SUGCT: variants seen among roughly 807,000 people sequenced by gnomAD.
SUGCT encodes succinyl-CoA:glutarate CoA-transferase.
A neutral mutation model predicts 55.0 loss-of-function variants in SUGCT; 41 were observed. The ratio of observed to expected loss-of-function variants is 0.74; its 90% CI spans 0.58 to 0.97. The LOEUF (loss-of-function observed/expected upper bound fraction) is 0.97, where lower values mean the gene tolerates loss of function less well. Ranked by LOEUF, SUGCT falls within the 50% of genes least tolerant of loss-of-function variation. SUGCT has a pLI of 0.00. For missense variants in SUGCT, 568 were observed against 547.8 expected (o/e 1.04, Z -0.37); for synonymous variants, 187 against 200.4 (o/e 0.93, Z 0.56).
chr7:40,249,346 T>TATATATATATATATATATATATATAA, intron 7 of SUGCT, among the ~76,000 whole-genome samples: 1 of 129,830 alleles, frequency 7.7e-6, no homozygotes, highest in South Asian at 2.3e-4. Flanking sequence ...TATATATATA[T>TATATATATATATATATATATATATAA]AATTATATTA....
At chr7:40,207,359 G>A (rs972913355) in intron 6 of SUGCT, among the ~76,000 whole-genome samples, 18 of 152,036 alleles carry the variant, frequency 1.2e-4, no homozygotes, top group Non-Finnish European at 1.8e-4. Context: ...AAACCACAAC[G>A]AGATACCTAC....
chr7:40,766,044 A>G (rs1788770699), intron 13 of SUGCT, among the ~76,000 whole-genome samples: 1 of 152,200 alleles, frequency 6.6e-6, no homozygotes, highest in Non-Finnish European at 1.5e-5. Context: ...GTGCTCTCCT[A>G]TTTAAAGACA....
intron 5 of SUGCT, among the ~76,000 whole-genome samples, chr7:40,194,588 T>A (rs1786133077): frequency 2.0e-5 from 3 of 152,218 alleles, no homozygotes; most frequent in African/African-American, 2.4e-5. Flanking sequence ...TTGTAAAGGT[T>A]TAAAAAATGT....
chr7:40,943,332 AG>A, the SUGCT span, among the ~76,000 whole-genome samples: 5 of 150,790 alleles, frequency 3.3e-5, no homozygotes, highest in African/African-American at 4.9e-5. Context: ...CACAATGTGC[AG>A]GTTAGTTACA....
chr7:40,768,406 G>A (rs943099517), intron 13 of SUGCT, among the ~76,000 whole-genome samples: 1 of 152,020 alleles, frequency 6.6e-6, no homozygotes, highest in African/African-American at 2.4e-5. Context: ...CTCCATAAAG[G>A]ATATAAGAAT....
the SUGCT span, among the ~76,000 whole-genome samples, chr7:40,963,885 A>C: frequency 6.6e-6 from 1 of 152,186 alleles, no homozygotes; most frequent in African/African-American, 2.4e-5. Flanking sequence ...GCAGGTTTAG[A>C]CTGCATTTAT....
intron 1 of SUGCT, among the ~76,000 whole-genome samples, chr7:40,168,458 T>G (rs1298967989): frequency 6.6e-6 from 1 of 152,160 alleles, no homozygotes; most frequent in Non-Finnish European, 1.5e-5. Context: ...ATTTGTAGTT[T>G]TACAGCTTCA....
At chr7:40,900,800 C>A in the SUGCT span, among the ~76,000 whole-genome samples, 1 of 152,208 alleles carries the variant, frequency 6.6e-6, no homozygotes, top group Admixed American at 6.5e-5. Flanking sequence ...AAAGGGAAAA[C>A]CTTGGAAGAA....
At chr7:40,307,512 A>G (rs1434670175) in intron 8 of SUGCT, among the ~76,000 whole-genome samples, 5 of 152,172 alleles carry the variant, frequency 3.3e-5, no homozygotes, top group Admixed American at 6.5e-5. Flanking sequence ...CTTACTAAGC[A>G]TATAACCTTG....
chr7:40,740,470 A>G (rs1584367328), intron 12 of SUGCT, among the ~76,000 whole-genome samples: 1 of 150,968 alleles, frequency 6.6e-6, no homozygotes, highest in East Asian at 1.9e-4. Context: ...AGTGTCTAGA[A>G]CTTCTAGTAA....
At chr7:40,744,294 C>G (rs992146081) in intron 12 of SUGCT, among the ~76,000 whole-genome samples, 4 of 152,002 alleles carry the variant, frequency 2.6e-5, no homozygotes, top group African/African-American at 9.7e-5. Flanking sequence ...TGGGTCCATC[C>G]CCTTCAAATA....
the SUGCT span, among the ~76,000 whole-genome samples, chr7:40,963,293 A>G: frequency 6.6e-6 from 1 of 152,166 alleles, no homozygotes; most frequent in Non-Finnish European, 1.5e-5. Flanking sequence ...CCACTGAACA[A>G]GAACATGTCC....
chr7:40,867,855 A>G, the SUGCT span, among the ~76,000 whole-genome samples: 1 of 152,208 alleles, frequency 6.6e-6, no homozygotes, highest in Non-Finnish European at 1.5e-5. Flanking sequence ...ACATTGAGCT[A>G]TCATTACCTG....
chr7:40,316,909 T>C (rs1795464041), intron 9 of SUGCT, 54 bp downstream of exon 9: 1 of 819,346 alleles, frequency 1.2e-6, no homozygotes, highest in East Asian at 3.1e-5. Context: ...TTTTATATGA[T>C]GTGTTTTTGG....
rs191749441 is a variant in SUGCT at position 40,377,522 on chromosome 7, C to T, written c.816+60667C>T. ...CCTCCCAAAGTGCTGGAATTACAGACGTGAGCTACCACGCCCGGACTTCAG... is the reference window on the plus strand; with the variant it reads ...CCTCCCAAAGTGCTGGAATTACAGATGTGAGCTACCACGCCCGGACTTCAG... On this transcript the variant is annotated intron_variant, in intron 9 of 13. Coordinates refer to ENST00000335693, the MANE Select transcript of SUGCT (RefSeq NM_001193313.2). 1.4e-3 allele frequency among the ~76,000 whole-genome samples: 207 copies of T among 152,036 alleles called. No individual in the cohort carries two copies. The Middle Eastern group carries it at 0.017, about 12-fold the overall frequency.
chr7:40,954,339 G>T, the SUGCT span, among the ~76,000 whole-genome samples: 1 of 152,164 alleles, frequency 6.6e-6, no homozygotes, highest in African/African-American at 2.4e-5. Flanking sequence ...AATTTTCCAG[G>T]TGCCATCTGT....
Position 40,284,631 on chromosome 7 carries a change from G to T in SUGCT, c.720+9975G>T, listed in dbSNP as rs181009155. Among the ~76,000 whole-genome samples, 25 of 150,372 alleles carry T rather than the reference G, an allele frequency of 1.7e-4. No homozygotes were observed. In the East Asian group the frequency reaches 4.3e-3, roughly 26 times the overall value. On this transcript the variant is annotated intron_variant, in intron 8 of 13. Transcript: ENST00000335693. ...TCCAAAAAAAAAAAAAAAAAATGAG[G>T]TGATGTGTATGTTAACTAGCTTGAT...
intron 13 of SUGCT, among the ~76,000 whole-genome samples, chr7:40,829,858 C>T (rs1345377440): frequency 1.3e-5 from 2 of 152,174 alleles, no homozygotes; most frequent in Admixed American, 6.5e-5. Flanking sequence ...CATTTCCACA[C>T]AGACACCAAA....
At chr7:40,715,948 A>G (rs1186957700) in intron 12 of SUGCT, among the ~76,000 whole-genome samples, 1 of 152,148 alleles carries the variant, frequency 6.6e-6, no homozygotes, top group Non-Finnish European at 1.5e-5. Flanking sequence ...AGCGCTTGTT[A>G]TTGACTTATC....
Sources: gnomAD v4.1 joint callset for allele counts (sites outside exome capture counted in the v4.1 genomes callset) on GRCh38, gnomAD v4.1.1 for gene constraint, MANE v1.5 for transcripts, NCBI Gene and HGNC (gene_info 2026-07-23, HGNC 2026-07-21) for gene names.